The following MED26 variants were observed in gnomAD, a reference collection of about 807,000 sequenced individuals.
The protein encoded by MED26 is mediator of RNA polymerase II transcription subunit 26.
MED26 carries 7 observed loss-of-function variants against 43.7 expected under a neutral mutation model. The ratio of observed to expected loss-of-function variants is 0.16; its 90% CI spans 0.09 to 0.30. The LOEUF (loss-of-function observed/expected upper bound fraction) is 0.30, where lower values mean the gene tolerates loss of function less well. Among genes scored for constraint, MED26 ranks in the 10% least tolerant of loss-of-function variants. The pLI is 1.00. For synonymous variants in MED26, 375 were observed against 371.1 expected (o/e 1.01, Z -0.12); for missense variants, 784 against 840.6 (o/e 0.93, Z 0.83).
At chr19:16,614,820 G>T (rs1284070004) in intron 1 of MED26, among the ~76,000 whole-genome samples, 3 of 152,146 alleles carry the variant, frequency 2.0e-5, no homozygotes, top group Non-Finnish European at 4.4e-5. Flanking sequence ...ACAGGAAGGG[G>T]GCTTCCTCCA....
intron 1 of MED26, among the ~76,000 whole-genome samples, chr19:16,599,912 T>C (rs1170071589): frequency 6.6e-6 from 1 of 152,182 alleles, no homozygotes; most frequent in African/African-American, 2.4e-5. Flanking sequence ...GGGCCTGACG[T>C]AGAGGTCTCA....
At chr19:16,604,415 G>A (rs2086163257) in intron 1 of MED26, among the ~76,000 whole-genome samples, 1 of 152,220 alleles carries the variant, frequency 6.6e-6, no homozygotes, top group Non-Finnish European at 1.5e-5. Flanking sequence ...TTTTTTAAAG[G>A]AAGACGTATT....
rs534269498 is a variant in MED26 at position 16,583,308 on chromosome 19, C to G, written c.73-4899G>C. Among the ~76,000 whole-genome samples, 196 of 152,360 alleles carry G rather than the reference C, an allele frequency of 1.3e-3. 1 individual carries two copies. Among genetic ancestry groups the G allele is most frequent in the African/African-American group, 4.6e-3 (192 of 41,590 alleles). ...TGCTTTCCCAAAGGGGCAGGAATCC[C>G]GTCAGGAACTGTAGCCTCTCACTTC... On this transcript the variant is annotated intron_variant, in intron 1 of 2. Transcript: ENST00000263390.
At chr19:16,619,613 T>C (rs889475222) in intron 1 of MED26, among the ~76,000 whole-genome samples, 1 of 152,104 alleles carries the variant, frequency 6.6e-6, no homozygotes, top group Non-Finnish European at 1.5e-5. Context: ...GCAGTGGGGC[T>C]GCCAGGGCCT....
rs1189975930 is a variant in MED26 at position 16,586,159 on chromosome 19, C to T, written c.73-7750G>A. ...CCCAAGGTCTGACCAACCAATAGTC[C>T]CAAGGGTGCTGAGCCTGGGCAGGCC... On this transcript the variant is annotated intron_variant, in intron 1 of 2. Coordinates refer to ENST00000263390, the MANE Select transcript of MED26 (RefSeq NM_004831.5). The surrounding 1 kb of genome is among the most constrained non-coding windows in gnomAD (Gnocchi z 5.1). Among the ~76,000 whole-genome samples, 1 of 152,232 alleles carries T rather than the reference C, an allele frequency of 6.6e-6. No homozygotes were observed. The highest frequency in any genetic ancestry group is 1.9e-4 in the East Asian group (1 of 5,192).
rs1278640343 is a variant in MED26 at position 16,576,437 on chromosome 19, T to C, written c.1393A>G (p.Lys465Glu). The change falls in exon 3 of 3, where the codon AAG (lysine) becomes GAG (glutamate). Residue 465 changes from lysine (K) to glutamate (E), a missense_variant. Transcript: ENST00000263390. The surrounding 1 kb of genome is among the most constrained non-coding windows in gnomAD (Gnocchi z 6.8). Reference protein sequence around the residue: ...SRTELDKQEAKASLQSPFEQT... With the variant: ...SRTELDKQEAEASLQSPFEQT... ...TCGAAGGGGCTCTGGAGGCTGGCCTTGGCCTCCTGCTTGTCCAGCTCTGTC... is the reference window on the plus strand; with the variant it reads ...TCGAAGGGGCTCTGGAGGCTGGCCTCGGCCTCCTGCTTGTCCAGCTCTGTC... 4.3e-6 allele frequency: 7 copies of C among 1,614,010 alleles called. No individual in the cohort carries two copies. The highest frequency in any genetic ancestry group is 1.3e-5 in the African/African-American group (1 of 74,904).
At chr19:16,596,667 G>T (rs1272764341) in intron 1 of MED26, among the ~76,000 whole-genome samples, 1 of 152,218 alleles carries the variant, frequency 6.6e-6, no homozygotes, top group African/African-American at 2.4e-5. Flanking sequence ...TGGGCAGGAT[G>T]CGGGGTTGAA....
intron 1 of MED26, among the ~76,000 whole-genome samples, chr19:16,584,296 C>T (rs572559777): frequency 7.1e-6 from 1 of 139,878 alleles, no homozygotes; most frequent in Non-Finnish European, 1.5e-5. Flanking sequence ...CAAACACTGC[C>T]CCCCCCCGCC....
At chr19:16,589,199 G>A (rs899448702) in intron 1 of MED26, 1 of 152,244 alleles carries the variant, frequency 6.6e-6, no homozygotes, top group Non-Finnish European at 1.5e-5. Flanking sequence ...TTCCTGCAAC[G>A]AGGGCCACGG....
chr19:16,620,355 T>C (rs1316339331), intron 1 of MED26, among the ~76,000 whole-genome samples: 3 of 151,862 alleles, frequency 2.0e-5, no homozygotes, highest in South Asian at 2.1e-4. Context: ...GTTTCCTCAC[T>C]AGTACCTGCC....
intron 1 of MED26, among the ~76,000 whole-genome samples, chr19:16,600,680 C>T (rs1822479017): frequency 6.6e-6 from 1 of 152,142 alleles, no homozygotes; most frequent in African/African-American, 2.4e-5. Context: ...CCCCAACCTG[C>T]TCCTCCCAAA....
Position 16,577,097 on chromosome 19 carries a change from G to A in MED26, c.733C>T (p.Pro245Ser), listed in dbSNP as rs750935125. The change falls in exon 3 of 3, where the codon CCA becomes TCA. Residue 245 changes from proline (P) to serine (S), a missense_variant. By Grantham distance (74) the Pro-to-Ser change is moderately conservative (BLOSUM62 -1). This residue lies in a region of MED26 where 719 missense variants were observed against 730.9 expected (regional missense o/e 0.98). Transcript: ENST00000263390. This position sits in a 1 kb window ranked among gnomAD's most constrained non-coding sequence, Gnocchi z 8.1. ...AGCTGCTGCAGCACCGAAGCCTTTG[G>A]CTGCAAGCAGGGTCCAGGGGGCTTG... ...LGKPPGPCLQPKASVLQQLDR... is the reference protein window; with the variant it reads ...LGKPPGPCLQSKASVLQQLDR... The A allele has an allele frequency of 6.2e-6, 10 of 1,610,084 alleles. 1 individual carries two copies. The South Asian group carries it at 1.1e-4, about 18-fold the overall frequency.
chr19:16,620,034 C>T (rs1299360360), intron 1 of MED26, among the ~76,000 whole-genome samples: 5 of 152,170 alleles, frequency 3.3e-5, no homozygotes, highest in South Asian at 4.1e-4. Context: ...TAAGATCAAG[C>T]GCCGCCTTCT....
intron 1 of MED26, among the ~76,000 whole-genome samples, chr19:16,618,684 C>A (rs1033870738): frequency 1.3e-5 from 2 of 152,236 alleles, no homozygotes; most frequent in Non-Finnish European, 2.9e-5. Flanking sequence ...TCCATGGACA[C>A]TGGATCCACT....
chr19:16,615,907 T>C (rs2122449253), intron 1 of MED26, among the ~76,000 whole-genome samples: 1 of 152,262 alleles, frequency 6.6e-6, no homozygotes, highest in East Asian at 1.9e-4. Context: ...CCTCTTCCAT[T>C]CAAGTCTCCC....
At chr19:16,591,312 G>C (rs2086096623) in intron 1 of MED26, among the ~76,000 whole-genome samples, 1 of 151,890 alleles carries the variant, frequency 6.6e-6, no homozygotes, top group African/African-American at 2.4e-5. Flanking sequence ...GATCTCAGAG[G>C]GACTGTAAGG....
At chr19:16,597,897 G>T (rs907858549) in intron 1 of MED26, among the ~76,000 whole-genome samples, 4 of 151,112 alleles carry the variant, frequency 2.6e-5, no homozygotes, top group Admixed American at 2.6e-4. Flanking sequence ...TAATTTTTTT[G>T]TATTTTTAGT....
chr19:16,578,604 G>A (rs899074819), intron 1 of MED26, 195 bp from the exon 2 acceptor site: 40 of 588,784 alleles, frequency 6.8e-5, no homozygotes, highest in Non-Finnish European at 1.1e-4. Context: ...CTCACCTGCC[G>A]TCTGACCTCC....
Position 16,577,467 on chromosome 19 carries a change from G to C in MED26, c.363C>G (p.Pro121=), listed in dbSNP as rs2086017375. 6.3e-7 allele frequency: 1 copy of C among 1,590,320 alleles called. No individual in the cohort carries two copies. Among genetic ancestry groups the C allele is most frequent in the Non-Finnish European group, 8.6e-7 (1 of 1,165,690 alleles). The change falls in exon 3 of 3, where the codon CCC becomes CCG. Residue 121 remains proline (P), a synonymous_variant. Coordinates refer to ENST00000263390, the MANE Select transcript of MED26 (RefSeq NM_004831.5). The surrounding 1 kb of genome is among the most constrained non-coding windows in gnomAD (Gnocchi z 8.1). ...CRPEVGAAGP[P]RSIHDLKSRN... ...GGCTCTTCAGGTCATGGATGCTCCT[G>C]GGTGGGCCAGCCGCCCCCACCTCCG...
Sources: gnomAD v4.1 joint callset for allele counts (sites outside exome capture counted in the v4.1 genomes callset) on GRCh38, gnomAD v4.1.1 for gene constraint, gnomAD v4.1.1 regional missense constraint, Gnocchi (gnomAD v3.1) non-coding constraint, MANE v1.5 for transcripts, NCBI Gene and HGNC (gene_info 2026-07-23, HGNC 2026-07-21) for gene names.